The following DLEC1 variants were observed in gnomAD, a reference collection of about 807,000 sequenced individuals.
DLEC1 encodes the protein deleted in lung and esophageal cancer protein 1.
Under a neutral mutation model 198.1 loss-of-function variants are expected in DLEC1, and 146 were observed. The ratio of observed to expected loss-of-function variants is 0.74; its 90% CI spans 0.64 to 0.85. The LOEUF (loss-of-function observed/expected upper bound fraction) is 0.85. Among genes scored for constraint, DLEC1 ranks in the 40% least tolerant of loss-of-function variants. DLEC1 has a pLI of 0.00. For synonymous variants in DLEC1, 897 were observed against 866.8 expected (o/e 1.03, Z -0.61); for missense variants, 2,233 against 2,220.0 (o/e 1.01, Z -0.12).
At chr3:38,119,069 C>A (rs1700325700) in intron 33 of DLEC1, among the ~76,000 whole-genome samples, 1 of 151,862 alleles carries the variant, frequency 6.6e-6, no homozygotes, top group Non-Finnish European at 1.5e-5. Context: ...TTCCATTCCA[C>A]CAGAGCTTCC....
At chr3:38,066,400 T>G (rs1251910509) in intron 6 of DLEC1, among the ~76,000 whole-genome samples, 1 of 152,252 alleles carries the variant, frequency 6.6e-6, no homozygotes, top group Non-Finnish European at 1.5e-5. Context: ...TTTCTTGTAC[T>G]CTCCTGATAT....
intron 2 of DLEC1, among the ~76,000 whole-genome samples, chr3:38,053,545 T>G (rs983626704): frequency 8.0e-6 from 1 of 125,484 alleles, no homozygotes; most frequent in Non-Finnish European, 1.7e-5. Flanking sequence ...GAGGAGCGTC[T>G]CCACCCGGCA....
intron 2 of DLEC1, among the ~76,000 whole-genome samples, chr3:38,054,437 A>C (rs1450810985): frequency 6.6e-6 from 1 of 152,176 alleles, no homozygotes; most frequent in Non-Finnish European, 1.5e-5. Flanking sequence ...TGAAGACATG[A>C]GGTTCCTGGG....
At position 38,067,900 on chromosome 3, in the gene DLEC1, G is replaced by A. The variant is rs896098403; in HGVS notation, c.1173+3981G>A. On this transcript the variant is annotated intron_variant, in intron 6 of 36. Coordinates refer to ENST00000308059, the MANE Select transcript of DLEC1 (RefSeq NM_007335.4). ...CCTGTGTAACTGGGATTACAGGTAC[G>A]CACCACCACGCCTGGCTAATTTTTT... Among the ~76,000 whole-genome samples, 7 of 151,768 alleles carry A rather than the reference G, an allele frequency of 4.6e-5. 1 individual carries two copies. In the South Asian group the frequency reaches 6.2e-4, roughly 14 times the overall value.
rs1700397645 is a variant in DLEC1 at position 38,120,580 on chromosome 3, C to G, written c.4837C>G (p.Leu1613Val). 1 of 1,613,760 alleles carries G rather than the reference C, an allele frequency of 6.2e-7. No individual in the cohort carries two copies. Among genetic ancestry groups the G allele is most frequent in the Non-Finnish European group, 8.5e-7 (1 of 1,180,028 alleles). ...AGAGATGGTGTTTACTCAGAACCTG[C>G]TCCTGGAGTACACCAACCAGACCAC... ...EREMVFTQNL[L>V]LEYTNQTTQV... The change falls in exon 34 of 37, where the codon CTC (leucine) becomes GTC (valine). Residue 1613 changes from leucine (L) to valine (V), a missense_variant. Coordinates refer to ENST00000308059, the MANE Select transcript of DLEC1 (RefSeq NM_007335.4).
At chr3:38,089,335 T>C (rs551376432) in intron 10 of DLEC1, among the ~76,000 whole-genome samples, 12 of 152,344 alleles carry the variant, frequency 7.9e-5, no homozygotes, top group African/African-American at 2.9e-4. Context: ...CAGGGAATGC[T>C]GGTGTGCAGC....
At position 38,116,802 on chromosome 3, in the gene DLEC1, G is replaced by A; in HGVS notation, c.4092G>A (p.Arg1364=). 1.9e-6 allele frequency: 3 copies of A among 1,613,676 alleles called. No individual in the cohort carries two copies. The highest frequency in any genetic ancestry group is 1.1e-5 in the South Asian group (1 of 91,004). The change falls in exon 29 of 37, where the codon AGG becomes AGA. Residue 1364 remains arginine, a synonymous_variant. Transcript: ENST00000308059. ...AGGGCAGCTCCAGTGCCAGCAATAG[G>A]GTGGCACAGAAGCTCATCTCAGTCA... ...SVEGSSSASN[R]VAQKLISVIL...
chr3:38,072,744 G>A (rs938620992), intron 6 of DLEC1, among the ~76,000 whole-genome samples: 2 of 152,208 alleles, frequency 1.3e-5, no homozygotes, highest in Non-Finnish European at 2.9e-5. Context: ...TGGGGTTTGA[G>A]AGATTAGTCG....
At position 38,081,904 on chromosome 3, in the gene DLEC1, CA is replaced by C. The variant is rs1371552516; in HGVS notation, c.1174-2253del. ...GCCGGGCGGGGGGCTGACCCCCCCC[CA>C]CCTCCCTCCCGGACGGGGTGGCTGC... is the stretch of plus-strand genomic sequence containing the variant. On this transcript the variant is annotated intron_variant, in intron 6 of 36. Coordinates refer to ENST00000308059, the MANE Select transcript of DLEC1 (RefSeq NM_007335.4). 8.8e-5 allele frequency among the ~76,000 whole-genome samples: 13 copies of C among 147,740 alleles called. No individual in the cohort carries two copies. In the East Asian group the frequency reaches 2.7e-3, roughly 31 times the overall value.
chr3:38,117,953 AAGC>A lies in DLEC1; in HGVS notation c.4636_4638del (p.Gln1546del). 1 of 1,614,080 alleles carries A rather than the reference AAGC, an allele frequency of 6.2e-7. No individual in the cohort carries two copies. The highest frequency in any genetic ancestry group is 2.2e-5 in the East Asian group (1 of 44,872). ...CCACAGAGCTCCTGGCCCTGGCCAGAAGCAGGAGTGTGAGGAGGAGACAGCCTC... is the reference window on the plus strand; with the variant it reads ...CCACAGAGCTCCTGGCCCTGGCCAGAAGGAGTGTGAGGAGGAGACAGCCTC... On this transcript the variant is annotated inframe_deletion, in exon 33 of 37. Transcript: ENST00000308059.
chr3:38,060,757 C>T lies in DLEC1; in HGVS notation c.673+905C>T, dbSNP rs141476657. The stretch of plus-strand genomic sequence containing the variant: ...TTGTCCAGGCTAGAGTGCAATGGCA[C>T]GATCTTGGCTCACCACAACCTCCAT... On this transcript the variant is annotated intron_variant, in intron 3 of 36. Coordinates refer to ENST00000308059, the MANE Select transcript of DLEC1 (RefSeq NM_007335.4). 1.6e-4 allele frequency among the ~76,000 whole-genome samples: 25 copies of T among 151,896 alleles called. 1 individual carries two copies. In the East Asian group the frequency reaches 2.1e-3, roughly 13 times the overall value.
chr3:38,118,669 G>T (rs1254042969), intron 33 of DLEC1, among the ~76,000 whole-genome samples: 6 of 152,018 alleles, frequency 3.9e-5, no homozygotes, highest in Non-Finnish European at 7.4e-5. Context: ...GCAGAGGCAG[G>T]CTGAGGGTAG....
chr3:38,120,388 T>C, intron 33 of DLEC1, 60 bp from the exon 34 acceptor site: 1 of 1,587,566 alleles, frequency 6.3e-7, no homozygotes, highest in South Asian at 1.1e-5. Context: ...GAGCTCCAGG[T>C]GGGGAAGTGG....
chr3:38,042,337 A>G lies in DLEC1; in HGVS notation c.411+2701A>G, dbSNP rs1700695675. On this transcript the variant is annotated intron_variant, in intron 1 of 36. Transcript: ENST00000308059. The stretch of plus-strand genomic sequence containing the variant: ...AAAAAAGCCATAGAACAATGTTAGG[A>G]TAATTTAATTTTTTATAATATATAT... Among the ~76,000 whole-genome samples the G allele has an allele frequency of 2.0e-5, 3 of 152,150 alleles. No individual in the cohort carries two copies. The South Asian group carries it at 6.2e-4, about 31-fold the overall frequency.
At position 38,050,612 on chromosome 3, in the gene DLEC1, G is replaced by A. The variant is rs539288426; in HGVS notation, c.562+4919G>A. Among the ~76,000 whole-genome samples the A allele has an allele frequency of 7.2e-5, 11 of 151,860 alleles. 1 individual carries two copies. The highest frequency in any genetic ancestry group is 2.7e-4 in the African/African-American group (11 of 41,366). On this transcript the variant is annotated intron_variant, in intron 2 of 36. Coordinates refer to ENST00000308059, the MANE Select transcript of DLEC1 (RefSeq NM_007335.4). ...CACTCCCTGCCTGCCCCCACCTAGG[G>A]CATTCATCTACACATGAGGGGTCCA...
At chr3:38,088,459 C>T in intron 10 of DLEC1, 71 bp downstream of exon 10, 1 of 1,445,236 alleles carries the variant, frequency 6.9e-7, no homozygotes. Flanking sequence ...GTTTTCATGA[C>T]TCAAGTGTCC....
chr3:38,053,394 G>A (rs1393635363), intron 2 of DLEC1, among the ~76,000 whole-genome samples: 2 of 148,546 alleles, frequency 1.3e-5, no homozygotes, highest in African/African-American at 2.5e-5. Context: ...GAGTGCCTCT[G>A]CCCCGCCGCT....
intron 16 of DLEC1, 68 bp downstream of exon 16, chr3:38,097,343 T>C: frequency 1.9e-6 from 3 of 1,542,382 alleles, no homozygotes; most frequent in African/African-American, 1.4e-5. Context: ...TCTTCAGAGT[T>C]AAAGGGGCTT....
At chr3:38,074,815 G>T (rs1205359112) in intron 6 of DLEC1, among the ~76,000 whole-genome samples, 1 of 152,212 alleles carries the variant, frequency 6.6e-6, no homozygotes, top group Non-Finnish European at 1.5e-5. Flanking sequence ...TTAGATATCA[G>T]AATTCCTGTA....
Sources: allele counts gnomAD v4.1 joint callset (sites outside exome capture counted in the v4.1 genomes callset), GRCh38; gene constraint gnomAD v4.1.1; transcripts MANE v1.5; gene names NCBI Gene and HGNC (gene_info 2026-07-23, HGNC 2026-07-21).